CACNG8: variants seen among roughly 807,000 people sequenced by gnomAD.
CACNG8 encodes calcium voltage-gated channel auxiliary subunit gamma 8.
CACNG8 carries 5 observed loss-of-function variants against 26.9 expected under a neutral mutation model. The observed-to-expected ratio is 0.19, with a 90% CI of 0.10 to 0.39. The LOEUF is 0.39. Among genes scored for constraint, CACNG8 ranks in the 10% least tolerant of loss-of-function variants. The pLI is 1.00. For missense variants in CACNG8, 473 were observed against 609.4 expected, an observed-to-expected ratio of 0.78 and a Z score of 2.36; for synonymous variants, 321 against 296.7, an observed-to-expected ratio of 1.08 and a Z score of -0.84.
intron 1 of CACNG8, among the ~76,000 whole-genome samples, chr19:53,964,439 A>G (rs1190107425): frequency 2.4e-4 from 36 of 150,278 alleles, no homozygotes; most frequent in Non-Finnish European, 1.5e-4. Context: ...GTGCCCTCCA[A>G]CCTCCCATCC....
rs181574795 is a variant in CACNG8 at position 53,969,811 on chromosome 19, G to T, written c.283+6386G>T. Among the ~76,000 whole-genome samples the T allele has an allele frequency of 1.6e-4, 25 of 152,122 alleles. 1 individual carries two copies. Among genetic ancestry groups the T allele is most frequent in the Admixed American group, 1.6e-3 (24 of 15,270 alleles). ...AGGCTGCTCTGCCTAAGGAGCGGCC[G>T]TTCTTTATTCCTTTACTGTCTTTAA... On this transcript the variant is annotated intron_variant, in intron 1 of 3. Transcript: ENST00000270458.
At chr19:53,980,077 T>C (rs2069355668) in intron 3 of CACNG8, 70 bp downstream of exon 3, 7 of 1,432,654 alleles carry the variant, frequency 4.9e-6, no homozygotes, top group South Asian at 1.4e-5. Context: ...TGTGTGTGTG[T>C]GTGTGTGTGC....
chr19:53,968,832 G>C (rs974511348), intron 1 of CACNG8, among the ~76,000 whole-genome samples: 10 of 150,180 alleles, frequency 6.7e-5, no homozygotes, highest in Admixed American at 6.0e-4. Context: ...GGAGAAAGGA[G>C]TGGCCACAGG....
chr19:53,971,924 T>C (rs1435364072), intron 1 of CACNG8, among the ~76,000 whole-genome samples: 1 of 151,514 alleles, frequency 6.6e-6, no homozygotes, highest in East Asian at 1.9e-4. Context: ...TCACCATCCA[T>C]GCACAAGAAA....
At chr19:53,964,262 A>G (rs1446266071) in intron 1 of CACNG8, among the ~76,000 whole-genome samples, 1 of 126,140 alleles carries the variant, frequency 7.9e-6, no homozygotes, top group African/African-American at 3.1e-5. Flanking sequence ...TTCACGGCCC[A>G]GTCTTCCGGT....
intron 3 of CACNG8, 66 bp downstream of exon 3, chr19:53,980,073 T>TGC: frequency 7.0e-7 from 1 of 1,437,570 alleles, no homozygotes; most frequent in Non-Finnish European, 9.2e-7. Context: ...TGTGTGTGTG[T>TGC]GTGTGTGTGT....
At chr19:53,970,668 C>T (rs1013456360) in intron 1 of CACNG8, among the ~76,000 whole-genome samples, 1 of 151,582 alleles carries the variant, frequency 6.6e-6, no homozygotes, top group Non-Finnish European at 1.5e-5. Context: ...GCCACTGGCT[C>T]ACCCCTGTAA....
In CACNG8 at chr19:53,989,561, C is replaced by T. The variant is rs549865674; in HGVS notation, c.*6712C>T. On this transcript the variant is annotated 3_prime_UTR_variant, in exon 4 of 4. Transcript: ENST00000270458. Reference sequence around the variant, plus strand: ...AGTACAAGGCCCTGCAATCTCAGGCCACTTCTGTCCCATCTCTGCCTTCAG... The same window carrying T: ...AGTACAAGGCCCTGCAATCTCAGGCTACTTCTGTCCCATCTCTGCCTTCAG... The T allele has an allele frequency of 6.6e-6, 1 of 152,440 alleles. No homozygotes were observed. Among genetic ancestry groups the T allele is most frequent in the African/African-American group, 2.4e-5 (1 of 41,592 alleles). The allele number at this position is 152,440 out of a possible 1,614,324, so 9.4% of individuals were successfully genotyped here.
At chr19:53,964,403 C>A (rs2069260969) in intron 1 of CACNG8, among the ~76,000 whole-genome samples, 1 of 152,006 alleles carries the variant, frequency 6.6e-6, no homozygotes, top group East Asian at 1.9e-4. Context: ...CCCATCAGTG[C>A]CCCCACCCAT....
Position 53,982,183 on chromosome 19 carries a change from G to A in CACNG8, c.612G>A (p.Trp204Ter). ...AGAAAAACCACTACTCGTACGGCTGGTCCTTCTACTTCGGCGGGCTGTCGT... is the reference window on the plus strand; with the variant it reads ...AGAAAAACCACTACTCGTACGGCTGATCCTTCTACTTCGGCGGGCTGTCGT... Residue 204 changes from tryptophan to a stop codon, truncating the protein, a stop_gained, in exon 4 of 4, where the codon TGG (tryptophan) becomes TGA (stop). Transcript: ENST00000270458. LOFTEE classifies it high-confidence loss of function. This position sits in a 1 kb window ranked among gnomAD's most constrained non-coding sequence, Gnocchi z 8.4. 6.2e-7 allele frequency: 1 copy of A among 1,613,506 alleles called. No individual in the cohort carries two copies. Among genetic ancestry groups the A allele is most frequent in the Non-Finnish European group, 8.5e-7 (1 of 1,179,784 alleles).
At chr19:53,963,787 T>C (rs1199469219) in intron 1 of CACNG8, among the ~76,000 whole-genome samples, 1 of 150,278 alleles carries the variant, frequency 6.7e-6, no homozygotes, top group Non-Finnish European at 1.5e-5. Context: ...TCTTCCACTC[T>C]GCCCTGTGCC....
chr19:53,978,896 G>A (rs1452489982), intron 2 of CACNG8, among the ~76,000 whole-genome samples: 4 of 146,482 alleles, frequency 2.7e-5, no homozygotes, highest in African/African-American at 1.0e-4. Flanking sequence ...GGAAGGGAGA[G>A]GAAGGGAGTG....
At chr19:53,977,590 C>T (rs1033435183) in intron 1 of CACNG8, among the ~76,000 whole-genome samples, 2 of 152,194 alleles carry the variant, frequency 1.3e-5, no homozygotes, top group African/African-American at 4.8e-5. Context: ...CTCTCTCTCC[C>T]CATCCCCACA....
intron 1 of CACNG8, among the ~76,000 whole-genome samples, chr19:53,973,945 T>C (rs73600102): frequency 0.016 from 2,468 of 152,364 alleles, 70 homozygotes; most frequent in African/African-American, 0.055. Context: ...ACTCATTCAC[T>C]CATTCATTCG....
rs2069423972 is a variant in CACNG8, at chr19:53,989,025, T to A, written c.*6176T>A. 1 of 152,228 alleles carries A rather than the reference T, an allele frequency of 6.6e-6. No homozygotes were observed. Among genetic ancestry groups the A allele is most frequent in the African/African-American group, 2.4e-5 (1 of 41,448 alleles). The allele number at this position is 152,228 out of a possible 1,614,324, so 9.4% of individuals were successfully genotyped here. ...GCTCATGCCTGTAATCCCAGCACTC[T>A]GGGAGGCCAAGACAGGAGGATTGCT... On this transcript the variant is annotated 3_prime_UTR_variant, in exon 4 of 4. Coordinates refer to ENST00000270458, the MANE Select transcript of CACNG8 (RefSeq NM_031895.6).
intron 2 of CACNG8, 91 bp downstream of exon 2, chr19:53,978,320 C>A: frequency 1.1e-6 from 1 of 938,400 alleles, no homozygotes; most frequent in Non-Finnish European, 1.7e-6. Context: ...GGCACTGGGA[C>A]TCCGGCACTT....
In CACNG8 at chr19:53,967,500, A is replaced by G. The variant is rs145241867; in HGVS notation, c.283+4075A>G. On this transcript the variant is annotated intron_variant, in intron 1 of 3. Transcript: ENST00000270458. The stretch of plus-strand genomic sequence containing the variant: ...AAACGACCAAGACAGTCTGTAAGTG[A>G]GTGTGGCTGTGTTCCAATGAGACTT... 7.1e-3 allele frequency among the ~76,000 whole-genome samples: 1,074 copies of G among 152,286 alleles called. 5 individuals are homozygous for G. Among genetic ancestry groups the G allele is most frequent in the African/African-American group, 0.024 (1,018 of 41,558 alleles).
In CACNG8 at chr19:53,963,177, G is replaced by T. The variant is rs770249350; in HGVS notation, c.35G>T (p.Gly12Val). The change falls in exon 1 of 4, where the codon GGC becomes GTC. Residue 12 changes from glycine (G) to valine (V), a missense_variant. Coordinates refer to ENST00000270458, the MANE Select transcript of CACNG8 (RefSeq NM_031895.6). ...CTGAAGCGCTGGAACGAAGAGCGGG[G>T]CCTCTGGTGCGAGAAGGGGGTGCAG... 4.8e-5 allele frequency: 76 copies of T among 1,572,014 alleles called. No homozygotes were observed. Among genetic ancestry groups the T allele is most frequent in the Admixed American group, 7.3e-5 (4 of 54,874 alleles).
rs1568802531 is a variant in CACNG8, at chr19:53,982,013, TCGGGGCCGGGGG to T, written c.509-61_509-50del. ...GCCCGCTGGCGCAGGCGGGCAGGGG[TCGGGGCCGGGGG>T]CGGGGGCGGGGCCGGGGGTGGCCTC... On this transcript the variant is annotated intron_variant, in intron 3 of 3. Transcript: ENST00000270458. The surrounding 1 kb of genome is among the most constrained non-coding windows in gnomAD (Gnocchi z 8.4). 2 of 1,205,974 alleles carry T rather than the reference TCGGGGCCGGGGG, an allele frequency of 1.7e-6. No individual in the cohort carries two copies. Among genetic ancestry groups the T allele is most frequent in the Non-Finnish European group, 2.1e-6 (2 of 954,414 alleles). 74.7% of individuals were successfully genotyped at this position (1,205,974 alleles called of 1,614,324 possible).
Sources: gnomAD v4.1 joint callset for allele counts (sites outside exome capture counted in the v4.1 genomes callset) on GRCh38, gnomAD v4.1.1 for gene constraint, Gnocchi (gnomAD v3.1) non-coding constraint, MANE v1.5 for transcripts, NCBI Gene and HGNC (gene_info 2026-07-23, HGNC 2026-07-21) for gene names.